Variants in OSBPL1A observed in about 807,000 individuals in gnomAD.
OSBPL1A encodes oxysterol-binding protein-related protein 1.
Under a neutral mutation model 137.1 loss-of-function variants are expected in OSBPL1A, and 80 were observed. The observed-to-expected ratio is 0.58, with a 90% CI of 0.49 to 0.70. OSBPL1A has a LOEUF of 0.70. Ranked by LOEUF, OSBPL1A falls within the 30% of genes least tolerant of loss-of-function variation. The probability of loss-of-function intolerance (pLI) is 0.00; values close to 1 mark genes in which losing one functional copy is unlikely to be tolerated. For missense variants in OSBPL1A, 970 were observed against 1,129.4 expected, an observed-to-expected ratio of 0.86 and a Z score of 2.02; for synonymous variants, 365 against 389.7, an observed-to-expected ratio of 0.94 and a Z score of 0.75.
rs970447309 is a variant in OSBPL1A at position 24,385,078 on chromosome 18, C to T, written c.-2-7543G>A. On this transcript the variant is annotated intron_variant, in intron 1 of 27. Transcript: ENST00000319481. ...CACGCCATTCTCCTGCCTCAGCCTC[C>T]CAAGTAGCTGGGACTACAGGCGCCC... Among the ~76,000 whole-genome samples, 33 of 151,676 alleles carry T rather than the reference C, an allele frequency of 2.2e-4. No homozygotes were observed. In the South Asian group the frequency reaches 4.2e-3, roughly 19 times the overall value.
intron 15 of OSBPL1A, 63 bp from the exon 16 acceptor site, chr18:24,239,445 G>T: frequency 1.4e-6 from 2 of 1,439,902 alleles, no homozygotes; most frequent in African/African-American, 2.8e-5. Flanking sequence ...CGTACTCAGA[G>T]GATGTGAAAA....
At chr18:24,301,954 C>T (rs190946501) in intron 14 of OSBPL1A, among the ~76,000 whole-genome samples, 3 of 152,236 alleles carry the variant, frequency 2.0e-5, no homozygotes, top group Admixed American at 6.5e-5. Flanking sequence ...CATGGCCGGG[C>T]GTGGTGGCTC....
At chr18:24,294,222 T>G (rs747174806) in intron 14 of OSBPL1A, among the ~76,000 whole-genome samples, 3 of 110,234 alleles carry the variant, frequency 2.7e-5, no homozygotes, top group Admixed American at 8.0e-5. Context: ...ATGTGGTTGT[T>G]TTTTTTTTTG....
intron 15 of OSBPL1A, among the ~76,000 whole-genome samples, chr18:24,248,569 T>G (rs1306830716): frequency 2.0e-5 from 3 of 152,216 alleles, no homozygotes; most frequent in Non-Finnish European, 2.9e-5. Flanking sequence ...GTCTGGTTTT[T>G]GACGTACTGA....
chr18:24,189,226 G>C (rs950078579), intron 18 of OSBPL1A, among the ~76,000 whole-genome samples: 2 of 152,208 alleles, frequency 1.3e-5, no homozygotes, highest in East Asian at 3.8e-4. Context: ...AGAAACCTGA[G>C]AGCAAGGCCA....
chr18:24,172,350 TGGACG>T, intron 22 of OSBPL1A, 21 bp downstream of exon 22: 1 of 1,529,846 alleles, frequency 6.5e-7, no homozygotes, highest in Non-Finnish European at 9.0e-7. Flanking sequence ...ACTGAAGGAA[TGGACG>T]AAGTACCCAA....
chr18:24,294,380 C>A (rs1441269829), intron 14 of OSBPL1A, among the ~76,000 whole-genome samples: 1 of 151,954 alleles, frequency 6.6e-6, no homozygotes, highest in Non-Finnish European at 1.5e-5. Context: ...TACAGGTACC[C>A]GCCACCAGGC....
chr18:24,360,842 T>C (rs753874143), intron 4 of OSBPL1A, among the ~76,000 whole-genome samples: 18 of 152,128 alleles, frequency 1.2e-4, no homozygotes, highest in Non-Finnish European at 2.4e-4. Context: ...AGATGCATCC[T>C]CTCCAGGCCT....
At chr18:24,163,961 A>AC (rs1370236114) in intron 27 of OSBPL1A, among the ~76,000 whole-genome samples, 1 of 151,992 alleles carries the variant, frequency 6.6e-6, no homozygotes, top group African/African-American at 2.4e-5. Flanking sequence ...CGAACTCCTG[A>AC]CCTCATGATC....
chr18:24,168,843 A>G (rs1461425438), intron 24 of OSBPL1A, among the ~76,000 whole-genome samples: 1 of 152,242 alleles, frequency 6.6e-6, no homozygotes, highest in Non-Finnish European at 1.5e-5. Flanking sequence ...GGAAAAAAAA[A>G]TACTTTTCAC....
intron 23 of OSBPL1A, 39 bp downstream of exon 23, chr18:24,171,370 A>G: frequency 6.8e-7 from 1 of 1,481,372 alleles, no homozygotes; most frequent in Non-Finnish European, 9.3e-7. Flanking sequence ...TCTAGTGAAC[A>G]AAATCTATAC....
intron 15 of OSBPL1A, among the ~76,000 whole-genome samples, chr18:24,248,679 T>C (rs1364499011): frequency 6.6e-6 from 1 of 152,174 alleles, no homozygotes; most frequent in East Asian, 1.9e-4. Context: ...CTTCAGACAT[T>C]TAAATCAGGG....
chr18:24,213,405 T>G (rs546428577), intron 17 of OSBPL1A, among the ~76,000 whole-genome samples: 7 of 152,062 alleles, frequency 4.6e-5, no homozygotes, highest in Non-Finnish European at 1.0e-4. Context: ...CTGTCTCTAC[T>G]AAAAATATAA....
intron 4 of OSBPL1A, among the ~76,000 whole-genome samples, chr18:24,359,288 A>G (rs1214691037): frequency 6.6e-6 from 1 of 151,442 alleles, no homozygotes; most frequent in Non-Finnish European, 1.5e-5. Context: ...GGGTCTTGTT[A>G]TGTTGCCCAG....
intron 14 of OSBPL1A, among the ~76,000 whole-genome samples, chr18:24,300,021 G>A (rs968896929): frequency 3.9e-5 from 6 of 152,132 alleles, no homozygotes; most frequent in Admixed American, 1.3e-4. Context: ...TGATAACATG[G>A]CCTTCAGGAA....
intron 2 of OSBPL1A, among the ~76,000 whole-genome samples, chr18:24,373,042 G>A (rs1008430982): frequency 3.3e-5 from 5 of 151,908 alleles, no homozygotes; most frequent in Non-Finnish European, 5.9e-5. Context: ...CTCCAGCCTG[G>A]GCAACAGAGC....
intron 4 of OSBPL1A, among the ~76,000 whole-genome samples, chr18:24,359,088 C>T (rs187163605): frequency 1.3e-5 from 2 of 152,206 alleles, no homozygotes; most frequent in Middle Eastern, 3.4e-3. Flanking sequence ...TACAGTGGCA[C>T]ATGCCTGTGG....
chr18:24,249,749 G>C (rs765785519), intron 15 of OSBPL1A, among the ~76,000 whole-genome samples: 17 of 152,210 alleles, frequency 1.1e-4, no homozygotes, highest in Non-Finnish European at 2.2e-4. Context: ...TCAGTGGTCA[G>C]AACTCGAGTT....
intron 18 of OSBPL1A, among the ~76,000 whole-genome samples, chr18:24,189,862 G>A (rs2086842191): frequency 6.6e-6 from 1 of 152,204 alleles, no homozygotes; most frequent in African/African-American, 2.4e-5. Flanking sequence ...GCCAGCCATG[G>A]GGGACAACAG....
Sources: allele counts gnomAD v4.1 joint callset (sites outside exome capture counted in the v4.1 genomes callset), GRCh38; gene constraint gnomAD v4.1.1; transcripts MANE v1.5; gene names NCBI Gene and HGNC (gene_info 2026-07-23, HGNC 2026-07-21).